The following MAF variants were observed in gnomAD, a reference collection of about 807,000 sequenced individuals.
MAF encodes transcription factor Maf.
MAF carries 10 observed loss-of-function variants against 22.0 expected under a neutral mutation model. The observed-to-expected ratio is 0.45, with a 90% confidence interval of 0.28 to 0.77. MAF has a LOEUF of 0.77. Ranked by LOEUF, MAF falls within the 30% of genes least tolerant of loss-of-function variation. The probability of loss-of-function intolerance (pLI) is 0.12; values close to 1 mark genes in which losing one functional copy is unlikely to be tolerated. For synonymous variants in MAF, 337 were observed against 255.8 expected, an observed-to-expected ratio of 1.32 and a Z score of -3.03; for missense variants, 544 against 548.4, an observed-to-expected ratio of 0.99 and a Z score of 0.08.
At chr16:79,223,845 T>C in the MAF span, among the ~76,000 whole-genome samples, 3 of 151,896 alleles carry the variant, frequency 2.0e-5, no homozygotes, top group Non-Finnish European at 4.4e-5. Flanking sequence ...CAATAACAAG[T>C]TCTGAAATTG....
At chr16:79,598,298 C>G (rs1205190647) in intron 1 of MAF, 1 of 1,089,806 alleles carries the variant, frequency 9.2e-7, no homozygotes, top group Non-Finnish European at 1.1e-6. Context: ...AAAACACACA[C>G]ACACACAGAA....
At chr16:79,486,240 C>A in the MAF span, among the ~76,000 whole-genome samples, 3 of 151,942 alleles carry the variant, frequency 2.0e-5, no homozygotes, top group East Asian at 5.8e-4. Context: ...TTCTGGTTCC[C>A]CTATAGTTCC....
the MAF span, among the ~76,000 whole-genome samples, chr16:79,281,263 G>GTATTA: frequency 1.3e-5 from 2 of 151,386 alleles, no homozygotes; most frequent in Admixed American, 1.3e-4. Context: ...TGAGCAAAGG[G>GTATTA]TATTAGGTAA....
chr16:79,392,082 G>C, the MAF span, among the ~76,000 whole-genome samples: 1 of 149,758 alleles, frequency 6.7e-6, no homozygotes, highest in Non-Finnish European at 1.5e-5. Context: ...AGGAGATGCA[G>C]AGAAAGAAAA....
chr16:79,417,909 T>C, the MAF span, among the ~76,000 whole-genome samples: 1 of 152,108 alleles, frequency 6.6e-6, no homozygotes, highest in Non-Finnish European at 1.5e-5. Context: ...TGGGAATTCT[T>C]AGAAATGATA....
At chr16:79,352,300 C>T in the MAF span, among the ~76,000 whole-genome samples, 3 of 152,250 alleles carry the variant, frequency 2.0e-5, no homozygotes, top group African/African-American at 2.4e-5. Flanking sequence ...GAAATAATCA[C>T]GTATTCCACG....
At chr16:79,246,347 A>C in the MAF span, among the ~76,000 whole-genome samples, 2 of 151,950 alleles carry the variant, frequency 1.3e-5, no homozygotes, top group African/African-American at 4.8e-5. Context: ...TACCTGTTTG[A>C]CTCTCTCATT....
the MAF span, among the ~76,000 whole-genome samples, chr16:79,321,941 AG>A: frequency 1.3e-5 from 2 of 151,326 alleles, no homozygotes; most frequent in Non-Finnish European, 2.9e-5. Flanking sequence ...TGTTAAAAAA[AG>A]GTCTTTGGAC....
the MAF span, among the ~76,000 whole-genome samples, chr16:79,297,953 GC>G: frequency 3.3e-5 from 5 of 152,214 alleles, no homozygotes; most frequent in African/African-American, 1.2e-4. Flanking sequence ...GTTAATATTT[GC>G]AAAAACCTTC....
chr16:79,492,668 C>T, the MAF span, among the ~76,000 whole-genome samples: 2 of 151,948 alleles, frequency 1.3e-5, no homozygotes, highest in African/African-American at 4.8e-5. Context: ...TTGTAGTCTA[C>T]TCACACAACT....
chr16:79,318,165 G>A, the MAF span, among the ~76,000 whole-genome samples: 1,598 of 152,266 alleles, frequency 0.01, 32 homozygotes, highest in African/African-American at 0.036. Flanking sequence ...GGACAGATTG[G>A]TCCTTGCCTT....
the MAF span, among the ~76,000 whole-genome samples, chr16:79,327,881 G>A: frequency 7.9e-5 from 12 of 152,186 alleles, no homozygotes; most frequent in African/African-American, 1.9e-4. Flanking sequence ...CCTTTACAGA[G>A]TGTTCTTTCC....
the MAF span, among the ~76,000 whole-genome samples, chr16:79,370,631 C>T: frequency 6.6e-5 from 10 of 152,218 alleles, no homozygotes; most frequent in African/African-American, 1.2e-4. Context: ...GATCATCCTC[C>T]ATCCCTTCCA....
the MAF span, among the ~76,000 whole-genome samples, chr16:79,420,105 G>C: frequency 6.6e-6 from 1 of 151,972 alleles, no homozygotes; most frequent in Non-Finnish European, 1.5e-5. Context: ...CAAAACTGCA[G>C]GAATCCAATA....
the MAF span, among the ~76,000 whole-genome samples, chr16:79,346,295 C>T: frequency 6.6e-6 from 1 of 151,608 alleles, no homozygotes. Flanking sequence ...TCTGTCCTTG[C>T]GATAGTTTGC....
chr16:79,371,319 G>A, the MAF span, among the ~76,000 whole-genome samples: 52 of 152,212 alleles, frequency 3.4e-4, no homozygotes, highest in African/African-American at 1.2e-3. Flanking sequence ...AATTGGCATA[G>A]CATCACCTCT....
the MAF span, among the ~76,000 whole-genome samples, chr16:79,248,499 G>T: frequency 6.6e-6 from 1 of 152,070 alleles, no homozygotes; most frequent in African/African-American, 2.4e-5. Context: ...TTTTTCCACA[G>T]GAATTTAATT....
the MAF span, among the ~76,000 whole-genome samples, chr16:79,222,178 A>G: frequency 6.6e-6 from 1 of 152,176 alleles, no homozygotes; most frequent in African/African-American, 2.4e-5. Context: ...AAGGGGGCCA[A>G]TTTTCAACAT....
chr16:79,493,801 G>A, the MAF span, among the ~76,000 whole-genome samples: 3 of 151,978 alleles, frequency 2.0e-5, no homozygotes, highest in Non-Finnish European at 4.4e-5. Context: ...AATACTTCCT[G>A]AGAAAACAAG....
Sources: allele counts gnomAD v4.1 joint callset (sites outside exome capture counted in the v4.1 genomes callset), GRCh38; gene constraint gnomAD v4.1.1; transcripts MANE v1.5; gene names NCBI Gene and HGNC (gene_info 2026-07-23, HGNC 2026-07-21).